The following AHNAK variants were observed in gnomAD, a reference collection of about 807,000 sequenced individuals.
The protein encoded by AHNAK is neuroblast differentiation-associated protein AHNAK.
A neutral mutation model predicts 37.8 loss-of-function variants in AHNAK; 23 were observed. That is an observed-to-expected ratio of 0.61 (90% CI 0.44 to 0.86). AHNAK has a LOEUF of 0.86. Among genes scored for constraint, AHNAK ranks in the 40% least tolerant of loss-of-function variants. The pLI is 0.00. For synonymous variants in AHNAK, 2,481 were observed against 2,636.3 expected (o/e 0.94, Z 1.80); for missense variants, 7,411 against 7,319.4 (o/e 1.01, Z -0.46).
intron 4 of AHNAK, among the ~76,000 whole-genome samples, chr11:62,534,509 G>C (rs983905867): frequency 2.0e-5 from 3 of 152,196 alleles, no homozygotes; most frequent in Admixed American, 6.5e-5. Context: ...GAGCCTAAGA[G>C]ACTGGTTGTG....
intron 5 of AHNAK, among the ~76,000 whole-genome samples, chr11:62,453,158 G>A (rs574927490): frequency 1.3e-5 from 2 of 152,196 alleles, no homozygotes; most frequent in South Asian, 2.1e-4. Flanking sequence ...CTTCATTAAC[G>A]GAGGAATGGA....
At position 62,533,601 on chromosome 11, in the gene AHNAK, C is replaced by T; in HGVS notation, c.816G>A (p.Gly272=). 1 of 1,614,116 alleles carries T rather than the reference C, an allele frequency of 6.2e-7. No homozygotes were observed. Among genetic ancestry groups the T allele is most frequent in the Non-Finnish European group, 8.5e-7 (1 of 1,180,022 alleles). ...AKGLDLGGRG[G]VQVPAVDISS... is the part of the protein sequence containing the mutation. The stretch of plus-strand genomic sequence containing the variant: ...AAATGTCCACTGCTGGAACTTGGAC[C>T]CCTCCTCTGCCACCCAAGTCCAAGC... The change falls in exon 5 of 5, where the codon GGG becomes GGA. Residue 272 remains glycine (G), a synonymous_variant. Transcript: ENST00000378024.
chr11:62,526,588 C>T lies in AHNAK; in HGVS notation c.7829G>A (p.Gly2610Asp), dbSNP rs1445970667. ...SLPKVEGDLK[G>D]PEVDIKGPKV... ...GGGCCCCTTGATGTCAACTTCGGGG[C>T]CCTTGAGGTCACCTTCCACTTTGGG... is the stretch of plus-strand genomic sequence containing the variant. The change falls in exon 5 of 5, where the codon GGC (glycine) becomes GAC (aspartate). Residue 2610 changes from glycine to aspartate, a missense_variant. Transcript: ENST00000378024. 5.0e-6 allele frequency: 8 copies of T among 1,613,336 alleles called. No individual in the cohort carries two copies. Among genetic ancestry groups the T allele is most frequent in the South Asian group, 4.4e-5 (4 of 91,056 alleles).
At chr11:62,479,311 G>A (rs1441668305) in intron 5 of AHNAK, among the ~76,000 whole-genome samples, 1 of 151,654 alleles carries the variant, frequency 6.6e-6, no homozygotes, top group African/African-American at 2.4e-5. Context: ...GGGATTACAG[G>A]CATGCACCAC....
Position 62,523,551 on chromosome 11 carries a change from G to T in AHNAK, c.10866C>A (p.Val3622=), listed in dbSNP as rs762292661. The change falls in exon 5 of 5, where the codon GTC becomes GTA. Residue 3622 remains valine, a synonymous_variant. Transcript: ENST00000378024. ...MPGFKGEGPE[V]DVTLPKADID... ...TGTCAGCTTTAGGGAGGGTAACATC[G>T]ACTTCAGGGCCTTCTCCTTTGAAGC... 49 of 1,611,752 alleles carry T rather than the reference G, an allele frequency of 3.0e-5. No individual in the cohort carries two copies. Among genetic ancestry groups the T allele is most frequent in the Non-Finnish European group, 4.1e-5 (48 of 1,179,004 alleles).
chr11:62,521,023 T>C lies in AHNAK; in HGVS notation c.13394A>G (p.Asp4465Gly). The change falls in exon 5 of 5, where the codon GAT becomes GGT. Residue 4465 changes from aspartate to glycine, a missense_variant. Coordinates refer to ENST00000378024, the MANE Select transcript of AHNAK (RefSeq NM_001620.3). Reference protein sequence around the residue: ...KAPKISMPDFDLHLKGPKVKG... With the variant: ...KAPKISMPDFGLHLKGPKVKG... ...CACCTTGGGACCTTTCAGGTGCAAA[T>C]CAAAGTCAGGCATAGAGATTTTGGG... 1 of 1,614,052 alleles carries C rather than the reference T, an allele frequency of 6.2e-7. No individual in the cohort carries two copies. Among genetic ancestry groups the C allele is most frequent in the Non-Finnish European group, 8.5e-7 (1 of 1,180,022 alleles).
chr11:62,511,847 G>T (rs1348248720), downstream of AHNAK, among the ~76,000 whole-genome samples: 1 of 151,802 alleles, frequency 6.6e-6, no homozygotes, highest in African/African-American at 2.4e-5. Context: ...TGCCACACCG[G>T]GCTAGTTTGT....
At chr11:62,457,930 T>TTC (rs780855513) in intron 5 of AHNAK, among the ~76,000 whole-genome samples, 3 of 145,542 alleles carry the variant, frequency 2.1e-5, no homozygotes, top group African/African-American at 5.3e-5. Context: ...TTTTTTTTTT[T>TTC]GAGATGGAGT....
At position 62,519,971 on chromosome 11, in the gene AHNAK, C is replaced by T. The variant is rs1293000954; in HGVS notation, c.14446G>A (p.Val4816Met). ...KADIDVSGPK[V>M]DVDIPDVNIE... ...TTCACATCTGGAATATCAACGTCCA[C>T]CTTGGGTCCCGAGACATCGATGTCG... Residue 4816 changes from valine to methionine, a missense_variant, in exon 5 of 5, where the codon GTG (valine) becomes ATG (methionine). Physicochemically the swap from Val to Met is conservative, Grantham distance 21. Coordinates refer to ENST00000378024, the MANE Select transcript of AHNAK (RefSeq NM_001620.3). 1.1e-5 allele frequency: 18 copies of T among 1,613,332 alleles called. No individual in the cohort carries two copies. Among genetic ancestry groups the T allele is most frequent in the East Asian group, 2.2e-5 (1 of 44,816 alleles).
Position 62,529,973 on chromosome 11 carries a change from C to A in AHNAK, c.4444G>T (p.Ala1482Ser). 6.2e-7 allele frequency: 1 copy of A among 1,613,566 alleles called. No homozygotes were observed. Among genetic ancestry groups the A allele is most frequent in the Non-Finnish European group, 8.5e-7 (1 of 1,179,904 alleles). The part of the protein sequence containing the change: ...TVPKVEGEIK[A>S]PDVDIKGPKV... ...GGGCCTTTGATGTCAACATCAGGAG[C>A]TTTTATCTCTCCTTCTACTTTTGGA... Residue 1482 changes from alanine (A) to serine (S), a missense_variant, in exon 5 of 5, where the codon GCT (alanine) becomes TCT (serine). By Grantham distance (99) the Ala-to-Ser change is moderately conservative. Coordinates refer to ENST00000378024, the MANE Select transcript of AHNAK (RefSeq NM_001620.3).
chr11:62,473,194 A>C (rs950567276), intron 5 of AHNAK, among the ~76,000 whole-genome samples: 5 of 149,964 alleles, frequency 3.3e-5, no homozygotes, highest in East Asian at 2.0e-4. Flanking sequence ...CAGGAGTTCG[A>C]GACCAGCCTG....
Position 62,518,491 on chromosome 11 carries a change from G to C in AHNAK, c.15926C>G (p.Pro5309Arg). Residue 5309 changes from proline (P) to arginine (R), a missense_variant, in exon 5 of 5, where the codon CCA becomes CGA. Coordinates refer to ENST00000378024, the MANE Select transcript of AHNAK (RefSeq NM_001620.3). ...GPDLDLNLKG[P>R]SLKGDLDASV... Reference sequence around the variant, plus strand: ...TGCATCCAGGTCTCCCTTCAAACTTGGTCCTTTCAAGTTCAGATCAAGGTC... The same window carrying C: ...TGCATCCAGGTCTCCCTTCAAACTTCGTCCTTTCAAGTTCAGATCAAGGTC... 6.2e-7 allele frequency: 1 copy of C among 1,614,022 alleles called. No individual in the cohort carries two copies. Among genetic ancestry groups the C allele is most frequent in the Non-Finnish European group, 8.5e-7 (1 of 1,179,998 alleles).
chr11:62,454,484 C>G (rs1938614064), intron 5 of AHNAK, among the ~76,000 whole-genome samples: 1 of 150,610 alleles, frequency 6.6e-6, no homozygotes, highest in Non-Finnish European at 1.5e-5. Context: ...TTATGAAAAA[C>G]CAATCTAAAT....
At position 62,492,560 on chromosome 11, in the gene AHNAK, A is replaced by C. The variant is rs117166118; in HGVS notation, c.343-729T>G. On this transcript the variant is annotated intron_variant, in intron 4 of 5. Transcript: ENST00000257247. Reference sequence around the variant, plus strand: ...CTTTTCATGTGTTTGCCCAAGTCTAACACCATCCCAGGAAATTACTCTTCC... The same window carrying C: ...CTTTTCATGTGTTTGCCCAAGTCTACCACCATCCCAGGAAATTACTCTTCC... Among the ~76,000 whole-genome samples the C allele has an allele frequency of 3.6e-3, 541 of 152,194 alleles. 2 individuals are homozygous for C. The highest frequency in any genetic ancestry group is 6.4e-3 in the Non-Finnish European group (437 of 68,008).
chr11:62,453,719 A>G (rs1222099687), intron 5 of AHNAK, among the ~76,000 whole-genome samples: 1 of 152,236 alleles, frequency 6.6e-6, no homozygotes, highest in South Asian at 2.1e-4. Context: ...TTAGCGGGCT[A>G]TGTTCTAGGA....
At position 62,516,221 on chromosome 11, in the gene AHNAK, C is replaced by G; in HGVS notation, c.*523G>C. The stretch of plus-strand genomic sequence containing the variant: ...CAACACTAAAGAACCCTAAAAACAC[C>G]CACACACCCTGACTACCACCACCTC... On this transcript the variant is annotated 3_prime_UTR_variant, in exon 5 of 5. Transcript: ENST00000378024. 7.8e-7 allele frequency: 1 copy of G among 1,289,194 alleles called. No individual in the cohort carries two copies. The highest frequency in any genetic ancestry group is 1.2e-5 in the South Asian group (1 of 81,016). The allele number at this position is 1,289,194 out of a possible 1,614,324, so 79.9% of individuals were successfully genotyped here. A position where few individuals can be genotyped will look rare whatever the true frequency, so the allele number is the denominator to read the frequency against.
chr11:62,450,157 CTTTA>C (rs1938505781), intron 5 of AHNAK, among the ~76,000 whole-genome samples: 1 of 140,176 alleles, frequency 7.1e-6, no homozygotes. Flanking sequence ...TATTTATTTA[CTTTA>C]TTTATTTTAT....
intron 5 of AHNAK, among the ~76,000 whole-genome samples, chr11:62,454,974 G>C (rs1410279700): frequency 1.3e-5 from 2 of 149,612 alleles, no homozygotes; most frequent in African/African-American, 4.9e-5. Context: ...TTTTGCCCAG[G>C]CTGGAGTGAA....
intron 4 of AHNAK, among the ~76,000 whole-genome samples, chr11:62,496,169 T>G (rs1939606358): frequency 6.6e-6 from 1 of 152,144 alleles, no homozygotes; most frequent in African/African-American, 2.4e-5. Context: ...TACTATTCAC[T>G]TTAGAAAATG....
Sources: allele counts gnomAD v4.1 joint callset (sites outside exome capture counted in the v4.1 genomes callset), GRCh38; gene constraint gnomAD v4.1.1; transcripts MANE v1.5; gene names NCBI Gene and HGNC (gene_info 2026-07-23, HGNC 2026-07-21).